PAPOLA: variants seen among roughly 807,000 people sequenced by gnomAD.
The protein encoded by PAPOLA is poly(A) polymerase alpha.
In PAPOLA, 15 loss-of-function variants were observed where a neutral mutation model predicts 100.6. That is an observed-to-expected ratio of 0.15 (90% CI 0.10 to 0.23). The LOEUF (loss-of-function observed/expected upper bound fraction) is 0.23, where lower values mean the gene tolerates loss of function less well. PAPOLA is among the 10% of genes least tolerant of loss of function. The pLI is 1.00. For missense variants in PAPOLA, 533 were observed against 884.2 expected (o/e 0.60, Z 5.04); for synonymous variants, 293 against 300.0 (o/e 0.98, Z 0.24).
chr14:96,510,350 T>C (rs1207543354), intron 1 of PAPOLA, among the ~76,000 whole-genome samples: 1 of 152,218 alleles, frequency 6.6e-6, no homozygotes, highest in Non-Finnish European at 1.5e-5. Flanking sequence ...GTTTCATACT[T>C]TATTAAATTT....
intron 3 of PAPOLA, among the ~76,000 whole-genome samples, chr14:96,522,747 A>G (rs547785661): frequency 4.2e-4 from 64 of 152,116 alleles, no homozygotes; most frequent in African/African-American, 1.4e-3. Context: ...CATACATACA[A>G]CTCATAAATA....
At chr14:96,536,901 A>C in intron 11 of PAPOLA, 75 bp from the exon 12 acceptor site, 2 of 818,932 alleles carry the variant, frequency 2.4e-6, no homozygotes, top group South Asian at 1.4e-5. Flanking sequence ...GAGTGCATGT[A>C]GTATGATTAA....
At chr14:96,535,326 C>A in intron 10 of PAPOLA, 10 of 984,922 alleles carry the variant, frequency 1.0e-5, no homozygotes, top group Non-Finnish European at 1.2e-5. Context: ...GAATTTACAA[C>A]TTACTTTGTG....
At chr14:96,547,235 T>C (rs1900462944) in intron 15 of PAPOLA, among the ~76,000 whole-genome samples, 1 of 152,114 alleles carries the variant, frequency 6.6e-6, no homozygotes, top group South Asian at 2.1e-4. Context: ...TTTTTTACTT[T>C]TTGGGGCCCT....
intron 1 of PAPOLA, among the ~76,000 whole-genome samples, chr14:96,508,667 A>G (rs1896897034): frequency 6.6e-6 from 1 of 152,172 alleles, no homozygotes; most frequent in African/African-American, 2.4e-5. Context: ...TATCTAGGCA[A>G]GTTTATAAAG....
chr14:96,520,574 A>ACCTGGGTTTCAC (rs527903958), intron 2 of PAPOLA, among the ~76,000 whole-genome samples: 2,085 of 152,032 alleles, frequency 0.014, 45 homozygotes, highest in African/African-American at 0.047. Context: ...GTGGGGTTTC[A>ACCTGGGTTTCAC]CCATGTTGGG....
chr14:96,522,492 C>G (rs1898086907), intron 3 of PAPOLA, among the ~76,000 whole-genome samples: 1 of 151,850 alleles, frequency 6.6e-6, no homozygotes, highest in African/African-American at 2.4e-5. Context: ...CTAACTGTAT[C>G]CTCCACCTCC....
At chr14:96,530,413 C>T (rs1191406483) in intron 6 of PAPOLA, among the ~76,000 whole-genome samples, 9 of 145,028 alleles carry the variant, frequency 6.2e-5, no homozygotes, top group South Asian at 4.4e-4. Context: ...TTTTCTGAGG[C>T]AGGGTCTTAC....
At chr14:96,553,550 T>G (rs1901032780) in intron 17 of PAPOLA, 1 of 151,804 alleles carries the variant, frequency 6.6e-6, no homozygotes, top group South Asian at 2.1e-4. Flanking sequence ...TCTCGCTCTG[T>G]CACCCAGGCT....
rs1331090495 is a variant in PAPOLA, at chr14:96,532,564, A to G, written c.751A>G (p.Met251Val). The change falls in exon 9 of 22, where the codon ATG becomes GTG. Residue 251 changes from methionine to valine, a missense_variant. Met to Val is a conservative substitution (Grantham distance 21, BLOSUM62 1). Transcript: ENST00000216277. ...LGFLGGVSWA[M>V]LVARTCQLYP... Reference sequence around the variant, plus strand: ...TTTCCTCGGTGGTGTTTCCTGGGCTATGCTAGTAGCAAGAACTTGCCAGCT... The same window carrying G: ...TTTCCTCGGTGGTGTTTCCTGGGCTGTGCTAGTAGCAAGAACTTGCCAGCT... The G allele has an allele frequency of 1.2e-6, 2 of 1,613,372 alleles. No individual in the cohort carries two copies. Among genetic ancestry groups the G allele is most frequent in the South Asian group, 1.1e-5 (1 of 90,924 alleles).
chr14:96,564,349 G>A (rs149381216), intron 21 of PAPOLA, among the ~76,000 whole-genome samples: 28 of 152,144 alleles, frequency 1.8e-4, no homozygotes, highest in African/African-American at 5.3e-4. Flanking sequence ...TCTACTTTGT[G>A]TATGTTTGGA....
At chr14:96,545,022 A>T (rs770261496) in intron 15 of PAPOLA, among the ~76,000 whole-genome samples, 2 of 152,058 alleles carry the variant, frequency 1.3e-5, no homozygotes, top group Non-Finnish European at 2.9e-5. Flanking sequence ...GGCAAATACT[A>T]CGCATAGGGA....
chr14:96,545,138 G>A (rs926770851), intron 15 of PAPOLA, among the ~76,000 whole-genome samples: 5 of 151,998 alleles, frequency 3.3e-5, no homozygotes, highest in Non-Finnish European at 7.4e-5. Flanking sequence ...TCCCTTTGAG[G>A]AGTTTTCACT....
intron 17 of PAPOLA, among the ~76,000 whole-genome samples, chr14:96,554,640 CAGAT>C (rs1464238946): frequency 1.3e-5 from 2 of 152,224 alleles, no homozygotes; most frequent in East Asian, 1.9e-4. Context: ...CACACAGACA[CAGAT>C]AGAGACAGAG....
intron 2 of PAPOLA, among the ~76,000 whole-genome samples, chr14:96,520,501 G>A (rs1433167802): frequency 1.3e-5 from 2 of 152,080 alleles, no homozygotes; most frequent in Admixed American, 1.3e-4. Flanking sequence ...TCAGCCTCTC[G>A]AGTAGCTGGG....
At chr14:96,528,998 C>CT (rs145245752) in intron 6 of PAPOLA, among the ~76,000 whole-genome samples, 4 of 151,728 alleles carry the variant, frequency 2.6e-5, no homozygotes, top group African/African-American at 9.7e-5. Context: ...ACAAAGAGGA[C>CT]TTTTTTTTGG....
At chr14:96,513,303 A>G (rs957916113) in intron 1 of PAPOLA, among the ~76,000 whole-genome samples, 3 of 152,128 alleles carry the variant, frequency 2.0e-5, no homozygotes, top group African/African-American at 7.2e-5. Flanking sequence ...TCCTGGGCTC[A>G]AGGGATCTTC....
At chr14:96,547,571 C>A in intron 15 of PAPOLA, 1 of 371,476 alleles carries the variant, frequency 2.7e-6, no homozygotes, top group South Asian at 3.9e-5. Flanking sequence ...AGGGTTACTA[C>A]ACTGGAAGAA....
At chr14:96,536,824 TAA>T (rs1555394051) in intron 11 of PAPOLA, 150 bp from the exon 12 acceptor site, 42 of 566,062 alleles carry the variant, frequency 7.4e-5, no homozygotes, top group South Asian at 4.3e-4. Flanking sequence ...TGTATATATA[TAA>T]GAGTATGCTC....
Sources: gnomAD v4.1 joint callset for allele counts (sites outside exome capture counted in the v4.1 genomes callset) on GRCh38, gnomAD v4.1.1 for gene constraint, MANE v1.5 for transcripts, NCBI Gene and HGNC (gene_info 2026-07-23, HGNC 2026-07-21) for gene names.